The following NUBPL variants were observed in gnomAD, a reference collection of about 807,000 sequenced individuals.
NUBPL encodes the protein NUBP iron-sulfur cluster assembly factor, mitochondrial, also known as iron-sulfur cluster transfer protein NUBPL.
In NUBPL, 31 loss-of-function variants were observed where a neutral mutation model predicts 45.7. The observed-to-expected ratio is 0.68, with a 90% CI of 0.51 to 0.92. NUBPL has a LOEUF of 0.92. NUBPL is among the 40% of genes least tolerant of loss of function. The pLI, the probability that NUBPL is intolerant of heterozygous loss-of-function variation, is 0.00. For missense variants in NUBPL, 401 were observed against 398.7 expected (o/e 1.01, Z -0.05); for synonymous variants, 144 against 140.9 (o/e 1.02, Z -0.15).
intron 6 of NUBPL, among the ~76,000 whole-genome samples, chr14:31,680,700 G>A (rs1257840163): frequency 5.3e-5 from 8 of 151,472 alleles, no homozygotes; most frequent in African/African-American, 9.7e-5. Flanking sequence ...TGTGGTATTC[G>A]CATACAATCT....
intron 7 of NUBPL, among the ~76,000 whole-genome samples, chr14:31,793,830 T>TTTTTA (rs2039428857): frequency 7.6e-6 from 1 of 131,632 alleles, no homozygotes; most frequent in Non-Finnish European, 1.5e-5. Flanking sequence ...TTATCTTTCT[T>TTTTTA]TTTTTTTTTT....
intron 4 of NUBPL, among the ~76,000 whole-genome samples, chr14:31,639,898 G>T (rs2035631716): frequency 6.6e-6 from 1 of 152,180 alleles, no homozygotes; most frequent in Admixed American, 6.5e-5. Flanking sequence ...CCAGGTGCGG[G>T]ATATAATCTC....
rs568295563 is a variant in NUBPL at position 31,642,549 on chromosome 14, G to C, written c.383-30806G>C. Among the ~76,000 whole-genome samples the C allele has an allele frequency of 1.2e-4, 18 of 152,044 alleles. No individual in the cohort carries two copies. The East Asian group carries it at 2.1e-3, about 18-fold the overall frequency. On this transcript the variant is annotated intron_variant, in intron 4 of 10. Coordinates refer to ENST00000281081, the MANE Select transcript of NUBPL (RefSeq NM_025152.3). ...TATTCTGTTCCATTGGTCTATGTCT[G>C]TGTTTTTATGCCAGTACTATATTGT...
chr14:31,738,042 A>G (rs146430646), intron 6 of NUBPL, among the ~76,000 whole-genome samples: 3 of 152,320 alleles, frequency 2.0e-5, no homozygotes, highest in East Asian at 1.9e-4. Flanking sequence ...CTTCATATTT[A>G]TATGTAACAC....
At chr14:31,702,455 T>G (rs73253276) in intron 6 of NUBPL, among the ~76,000 whole-genome samples, 10,116 of 152,290 alleles carry the variant, frequency 0.066, 429 homozygotes, top group Non-Finnish European at 0.092. Context: ...AGCAGAGACC[T>G]TAGAGATTAC....
chr14:31,671,410 A>G (rs542563423), intron 4 of NUBPL, among the ~76,000 whole-genome samples: 5 of 152,360 alleles, frequency 3.3e-5, no homozygotes, highest in South Asian at 2.1e-4. Context: ...TCAGCATTCT[A>G]TAAAACAACT....
intron 6 of NUBPL, among the ~76,000 whole-genome samples, chr14:31,712,456 C>G (rs187676191): frequency 2.0e-5 from 3 of 152,246 alleles, no homozygotes; most frequent in Non-Finnish European, 4.4e-5. Context: ...CGTGCCCACC[C>G]AGAACCTGTG....
chr14:31,815,768 G>A (rs1473526659), intron 7 of NUBPL, among the ~76,000 whole-genome samples: 3 of 149,586 alleles, frequency 2.0e-5, no homozygotes, highest in African/African-American at 7.7e-5. Context: ...TTTATCGAAG[G>A]CCTTTTTGCA....
chr14:31,685,151 A>C (rs1027412274), intron 6 of NUBPL, among the ~76,000 whole-genome samples: 1 of 152,194 alleles, frequency 6.6e-6, no homozygotes, highest in Admixed American at 6.5e-5. Context: ...CATGTGACCC[A>C]GGCATTATCA....
chr14:31,747,167 G>T (rs546208485), intron 6 of NUBPL, among the ~76,000 whole-genome samples: 1 of 132,104 alleles, frequency 7.6e-6, no homozygotes, highest in Non-Finnish European at 1.5e-5. Flanking sequence ...TCGGAGTCTC[G>T]CTGTGTTGCC....
At chr14:31,834,326 T>A (rs902750654) in intron 8 of NUBPL, among the ~76,000 whole-genome samples, 2 of 151,632 alleles carry the variant, frequency 1.3e-5, no homozygotes, top group Non-Finnish European at 2.9e-5. Context: ...GACTACAGGC[T>A]CCTGCCACCA....
At chr14:31,681,843 T>C (rs2036841821) in intron 6 of NUBPL, among the ~76,000 whole-genome samples, 1 of 152,136 alleles carries the variant, frequency 6.6e-6, no homozygotes, top group Admixed American at 6.5e-5. Context: ...TCTTAATAAC[T>C]TAATGGCATT....
Position 31,812,191 on chromosome 14 carries a change from G to A in NUBPL, c.608-14438G>A, listed in dbSNP as rs139669756. Among the ~76,000 whole-genome samples the A allele has an allele frequency of 9.9e-4, 151 of 152,310 alleles. No homozygotes were observed. In the East Asian group the frequency reaches 0.026, roughly 26 times the overall value. On this transcript the variant is annotated intron_variant, in intron 7 of 10. Transcript: ENST00000281081. ...CTTTTCAGAGCTGTCAGACAGGGAC[G>A]TTTAAGTCTGCAGAAGTTTCTGCTG...
At chr14:31,654,012 G>A (rs2036078779) in intron 4 of NUBPL, 2 of 428,666 alleles carry the variant, frequency 4.7e-6, no homozygotes, top group Admixed American at 4.8e-5. Flanking sequence ...AAGATATTAT[G>A]TCTGTTTTTC....
chr14:31,689,181 C>T (rs766864920), intron 6 of NUBPL, among the ~76,000 whole-genome samples: 32 of 152,132 alleles, frequency 2.1e-4, no homozygotes, highest in Admixed American at 3.3e-4. Context: ...AGGGTATATA[C>T]CCAGTAATGG....
At chr14:31,621,992 G>A (rs1232142978) in intron 4 of NUBPL, among the ~76,000 whole-genome samples, 5 of 152,304 alleles carry the variant, frequency 3.3e-5, no homozygotes. Flanking sequence ...TGGTTGAATG[G>A]TTTTGACCAA....
intron 6 of NUBPL, among the ~76,000 whole-genome samples, chr14:31,697,613 T>G (rs1359440004): frequency 6.6e-6 from 1 of 152,200 alleles, no homozygotes; most frequent in Non-Finnish European, 1.5e-5. Context: ...TTGTTGCAGA[T>G]TAAATATACA....
chr14:31,766,633 G>T (rs900564067), intron 6 of NUBPL, among the ~76,000 whole-genome samples: 1 of 152,140 alleles, frequency 6.6e-6, no homozygotes, highest in Non-Finnish European at 1.5e-5. Flanking sequence ...TATCGCCATT[G>T]ACTTATCAGC....
chr14:31,697,800 C>A (rs570254885), intron 6 of NUBPL, among the ~76,000 whole-genome samples: 2 of 152,078 alleles, frequency 1.3e-5, no homozygotes, highest in African/African-American at 4.8e-5. Context: ...AATTAAGAAG[C>A]CTTAATAAAG....
Sources: gnomAD v4.1 joint callset for allele counts (sites outside exome capture counted in the v4.1 genomes callset) on GRCh38, gnomAD v4.1.1 for gene constraint, MANE v1.5 for transcripts, NCBI Gene and HGNC (gene_info 2026-07-23, HGNC 2026-07-21) for gene names.